Variants in GRM3 observed in about 807,000 individuals in gnomAD.
The protein encoded by GRM3 is metabotropic glutamate receptor 3.
GRM3 carries 26 observed loss-of-function variants against 70.5 expected under a neutral mutation model. The ratio of observed to expected loss-of-function variants is 0.37; its 90% CI spans 0.27 to 0.51. GRM3 has a LOEUF of 0.51. Ranked by LOEUF, GRM3 falls within the 20% of genes least tolerant of loss-of-function variation. The pLI, the probability that GRM3 is intolerant of heterozygous loss-of-function variation, is 0.93. For missense variants in GRM3, 859 were observed against 1,123.8 expected (o/e 0.76, Z 3.37); for synonymous variants, 443 against 434.9 (o/e 1.02, Z -0.23).
intron 5 of GRM3, among the ~76,000 whole-genome samples, chr7:86,858,078 T>C (rs376526995): frequency 3.3e-5 from 5 of 152,000 alleles, no homozygotes; most frequent in African/African-American, 9.7e-5. Context: ...TGCCTCAGCC[T>C]CCCAAGTAGC....
intron 5 of GRM3, among the ~76,000 whole-genome samples, chr7:86,854,426 A>G (rs1196327479): frequency 6.6e-6 from 1 of 152,210 alleles, no homozygotes; most frequent in Non-Finnish European, 1.5e-5. Context: ...AAGAATGAAC[A>G]TGGTTAACAA....
chr7:86,692,757 T>A (rs574491715), intron 1 of GRM3, among the ~76,000 whole-genome samples: 31 of 152,366 alleles, frequency 2.0e-4, no homozygotes, highest in African/African-American at 7.2e-4. Flanking sequence ...TTTGAATTAA[T>A]AATCAAAGTA....
chr7:86,683,357 A>G (rs1350866990), intron 1 of GRM3, among the ~76,000 whole-genome samples: 1 of 152,198 alleles, frequency 6.6e-6, no homozygotes, highest in Non-Finnish European at 1.5e-5. Flanking sequence ...AGTTTGAGAC[A>G]TGCTGACATT....
intron 1 of GRM3, among the ~76,000 whole-genome samples, chr7:86,714,605 T>C (rs894129487): frequency 2.6e-5 from 4 of 152,032 alleles, no homozygotes; most frequent in African/African-American, 9.7e-5. Context: ...GTAATTGACC[T>C]GCTAAATCAA....
chr7:86,775,847 C>T (rs1180418502), intron 2 of GRM3: 1 of 152,014 alleles, frequency 6.6e-6, no homozygotes, highest in Non-Finnish European at 1.5e-5. Context: ...AACATCAAGC[C>T]TATATGTTAC....
chr7:86,803,553 G>T (rs1345298686), intron 3 of GRM3, among the ~76,000 whole-genome samples: 9 of 152,174 alleles, frequency 5.9e-5, no homozygotes, highest in African/African-American at 1.9e-4. Context: ...GACACTTTTA[G>T]AAATAAAGTA....
intron 3 of GRM3, among the ~76,000 whole-genome samples, chr7:86,830,928 T>C (rs182898027): frequency 6.9e-4 from 105 of 152,212 alleles, no homozygotes; most frequent in Admixed American, 6.5e-4. Context: ...ACTGTGTGAA[T>C]GTGGAAGATC....
intron 5 of GRM3, among the ~76,000 whole-genome samples, chr7:86,857,923 A>G (rs1308095910): frequency 2.0e-5 from 1 of 50,536 alleles, no homozygotes; most frequent in Admixed American, 1.4e-4. Context: ...GTAAATTTTT[A>G]TTTTATTTTA....
Position 86,786,930 on chromosome 7 carries a change from G to A in GRM3, c.1138G>A (p.Asp380Asn), listed in dbSNP as rs967635794. Residue 380 changes from aspartate (D) to asparagine (N), a missense_variant, in exon 3 of 6, where the codon GAC (aspartate) becomes AAC (asparagine). Physicochemically the swap from Asp to Asn is conservative, Grantham distance 23 (BLOSUM62 1). Coordinates refer to ENST00000361669, the MANE Select transcript of GRM3 (RefSeq NM_000840.3). This position sits in a 1 kb window ranked among gnomAD's most constrained non-coding sequence, Gnocchi z 6.0. ...RRVCDKHLAIDSSNYEQESKI... is the reference protein window; with the variant it reads ...RRVCDKHLAINSSNYEQESKI... ...CGTCTGCGACAAGCACCTGGCCATC[G>A]ACAGCAGCAACTACGAGCAAGAGTC... is the stretch of plus-strand genomic sequence containing the variant. 1.2e-6 allele frequency: 2 copies of A among 1,614,018 alleles called. No homozygotes were observed. Among genetic ancestry groups the A allele is most frequent in the Admixed American group, 1.7e-5 (1 of 60,006 alleles).
chr7:86,826,395 G>A (rs1185784105), intron 3 of GRM3, among the ~76,000 whole-genome samples: 1 of 152,210 alleles, frequency 6.6e-6, no homozygotes, highest in African/African-American at 2.4e-5. Context: ...GATTGAAGAG[G>A]AGATGTGCAG....
chr7:86,823,006 A>C (rs919484336), intron 3 of GRM3, among the ~76,000 whole-genome samples: 2 of 152,212 alleles, frequency 1.3e-5, no homozygotes, highest in African/African-American at 4.8e-5. Flanking sequence ...CAGGAGAGCC[A>C]CTGAGACCTT....
At chr7:86,794,237 C>T (rs978955514) in intron 3 of GRM3, among the ~76,000 whole-genome samples, 18 of 152,234 alleles carry the variant, frequency 1.2e-4, no homozygotes, top group African/African-American at 4.3e-4. Context: ...TTTTCCACTT[C>T]TGTATACCTT....
At chr7:86,809,758 G>T (rs1296260243) in intron 3 of GRM3, among the ~76,000 whole-genome samples, 1 of 152,024 alleles carries the variant, frequency 6.6e-6, no homozygotes, top group Non-Finnish European at 1.5e-5. Flanking sequence ...AGGCAAGCGT[G>T]TATTTTGAAA....
intron 3 of GRM3, among the ~76,000 whole-genome samples, chr7:86,793,016 CTTTTTT>C (rs140134217): frequency 6.4e-5 from 6 of 94,360 alleles, no homozygotes; most frequent in Admixed American, 3.4e-4. Context: ...GGTTGGTTGC[CTTTTTT>C]TTTTTTTTTT....
chr7:86,760,980 C>T (rs145568811), intron 1 of GRM3, among the ~76,000 whole-genome samples: 2 of 152,162 alleles, frequency 1.3e-5, no homozygotes, highest in East Asian at 1.9e-4. Context: ...GAGTATAGCA[C>T]TTAACAATTA....
intron 1 of GRM3, among the ~76,000 whole-genome samples, chr7:86,674,021 G>A (rs142465810): frequency 6.4e-4 from 97 of 152,168 alleles, no homozygotes; most frequent in African/African-American, 2.2e-3. Flanking sequence ...TCTAAAACCA[G>A]TATATTGATT....
intron 3 of GRM3, among the ~76,000 whole-genome samples, chr7:86,825,163 A>C (rs189093183): frequency 1.3e-5 from 2 of 152,276 alleles, no homozygotes; most frequent in East Asian, 3.9e-4. Flanking sequence ...CTTTGTGTCC[A>C]TGTGTACTCA....
rs144089886 is a variant in GRM3 at position 86,737,024 on chromosome 7, G to GA, written c.-140-27972dup. 2.6e-4 allele frequency among the ~76,000 whole-genome samples: 38 copies of GA among 147,378 alleles called. 1 individual carries two copies. The highest frequency in any genetic ancestry group is 4.3e-4 in the South Asian group (2 of 4,650). ...CATCACCAGTCCTAGGGGCCATAAA[G>GA]AAAAAAAAAACATCCAACTCCACTT... is the stretch of plus-strand genomic sequence containing the variant. On this transcript the variant is annotated intron_variant, in intron 1 of 5. Coordinates refer to ENST00000361669, the MANE Select transcript of GRM3 (RefSeq NM_000840.3).
chr7:86,857,131 GTTTTTTTT>G (rs57272959), intron 5 of GRM3, among the ~76,000 whole-genome samples: 1 of 142,608 alleles, frequency 7.0e-6, no homozygotes, highest in East Asian at 2.1e-4. Flanking sequence ...AAATTCAATG[GTTTTTTTT>G]TTTTTTTAAG....
Sources: allele counts gnomAD v4.1 joint callset (sites outside exome capture counted in the v4.1 genomes callset), GRCh38; gene constraint gnomAD v4.1.1; non-coding constraint Gnocchi (gnomAD v3.1); transcripts MANE v1.5; gene names NCBI Gene and HGNC (gene_info 2026-07-23, HGNC 2026-07-21).